CTIF: variants seen among roughly 807,000 people sequenced by gnomAD.
CTIF encodes the protein CBP80/20-dependent translation initiation factor.
CTIF carries 21 observed loss-of-function variants against 66.0 expected under a neutral mutation model. That is an observed-to-expected ratio of 0.32 (90% CI 0.23 to 0.46). The LOEUF (loss-of-function observed/expected upper bound fraction) is 0.46. Among genes scored for constraint, CTIF ranks in the 20% least tolerant of loss-of-function variants. The pLI is 1.00. For synonymous variants in CTIF, 345 were observed against 326.4 expected, an observed-to-expected ratio of 1.06 and a Z score of -0.62; for missense variants, 739 against 812.7, an observed-to-expected ratio of 0.91 and a Z score of 1.10.
chr18:48,690,220 G>A (rs533975921), intron 6 of CTIF, among the ~76,000 whole-genome samples: 17 of 151,988 alleles, frequency 1.1e-4, no homozygotes, highest in South Asian at 2.1e-4. Context: ...TTATTTGGGC[G>A]TTTACAGACT....
At chr18:48,840,164 A>T (rs1189896850) in intron 10 of CTIF, among the ~76,000 whole-genome samples, 1 of 152,216 alleles carries the variant, frequency 6.6e-6, no homozygotes, top group African/African-American at 2.4e-5. Context: ...AGATCAGAAA[A>T]GGCATGCTCA....
At chr18:48,832,263 C>T (rs1421676044) in intron 10 of CTIF, among the ~76,000 whole-genome samples, 3 of 151,410 alleles carry the variant, frequency 2.0e-5, no homozygotes, top group African/African-American at 7.3e-5. Flanking sequence ...CCTCAACCTC[C>T]CAGGCTCAAA....
chr18:48,821,915 G>A (rs1027162157), intron 10 of CTIF, among the ~76,000 whole-genome samples: 4 of 152,112 alleles, frequency 2.6e-5, no homozygotes, highest in African/African-American at 9.7e-5. Context: ...CCATAATGTT[G>A]TGCAGATCTC....
chr18:48,792,231 A>G (rs2067808091), intron 9 of CTIF, among the ~76,000 whole-genome samples: 1 of 152,106 alleles, frequency 6.6e-6, no homozygotes, highest in South Asian at 2.1e-4. Flanking sequence ...GTCAAAGAGA[A>G]AGAGCAGTGA....
At chr18:48,847,500 A>G (rs903035015) in intron 10 of CTIF, among the ~76,000 whole-genome samples, 9 of 152,122 alleles carry the variant, frequency 5.9e-5, no homozygotes, top group African/African-American at 1.9e-4. Context: ...TTCTCTACCA[A>G]TTAAGCAGAT....
chr18:48,725,207 G>A (rs1328523436), intron 7 of CTIF, among the ~76,000 whole-genome samples: 1 of 152,192 alleles, frequency 6.6e-6, no homozygotes, highest in Non-Finnish European at 1.5e-5. Flanking sequence ...GCTGTGAGCT[G>A]CAGCCACGGT....
intron 7 of CTIF, among the ~76,000 whole-genome samples, chr18:48,724,426 C>T (rs1242567884): frequency 2.6e-5 from 4 of 152,176 alleles, no homozygotes; most frequent in Non-Finnish European, 5.9e-5. Flanking sequence ...CCAGTCTTCT[C>T]GCTGTTCTTT....
intron 1 of CTIF, among the ~76,000 whole-genome samples, chr18:48,572,803 C>A (rs2089445073): frequency 1.3e-5 from 2 of 152,010 alleles, no homozygotes; most frequent in Non-Finnish European, 2.9e-5. Flanking sequence ...GCTTGGGCAA[C>A]ATGAAGAAAC....
intron 10 of CTIF, among the ~76,000 whole-genome samples, chr18:48,855,520 T>C (rs11082710): frequency 0.29 from 44,532 of 152,168 alleles, 6,764 homozygotes; most frequent in Admixed American, 0.36. Flanking sequence ...CCTGGATCCC[T>C]GTGACTAGGT....
At chr18:48,639,325 T>G (rs2090884080) in intron 3 of CTIF, among the ~76,000 whole-genome samples, 1 of 152,032 alleles carries the variant, frequency 6.6e-6, no homozygotes, top group Non-Finnish European at 1.5e-5. Flanking sequence ...GGTGCTGAGC[T>G]CCCGGTGGGC....
chr18:48,543,902 G>A (rs2088684775), intron 1 of CTIF, among the ~76,000 whole-genome samples: 1 of 152,076 alleles, frequency 6.6e-6, no homozygotes, highest in Admixed American at 6.5e-5. Context: ...CTTCACAACT[G>A]GCCCTTCCTG....
At chr18:48,821,981 C>T (rs2068493246) in intron 10 of CTIF, among the ~76,000 whole-genome samples, 1 of 152,178 alleles carries the variant, frequency 6.6e-6, no homozygotes, top group Non-Finnish European at 1.5e-5. Flanking sequence ...AGCGACTCCC[C>T]ATCTGCACTT....
chr18:48,563,353 G>T (rs536893470), intron 1 of CTIF, among the ~76,000 whole-genome samples: 6 of 152,334 alleles, frequency 3.9e-5, no homozygotes, highest in Admixed American at 1.3e-4. Context: ...CATCTCTCTG[G>T]GATCTTGGGA....
At chr18:48,859,266 C>G in intron 11 of CTIF, 78 bp from the exon 12 acceptor site, 1 of 1,247,900 alleles carries the variant, frequency 8.0e-7, no homozygotes, top group Non-Finnish European at 1.2e-6. Context: ...TATTTCCTAT[C>G]CCTGCCCACC....
In CTIF at chr18:48,665,558, A is replaced by G. The variant is rs2091423304; in HGVS notation, c.431+1007A>G. On this transcript the variant is annotated intron_variant, in intron 5 of 11. Transcript: ENST00000256413. Reference sequence around the variant, plus strand: ...TTTAGTATGCTAGACCTGTTGTGCAACTACCATGTCTATCTAGTTCTGAAA... The same window carrying G: ...TTTAGTATGCTAGACCTGTTGTGCAGCTACCATGTCTATCTAGTTCTGAAA... 3.3e-5 allele frequency among the ~76,000 whole-genome samples: 5 copies of G among 152,228 alleles called. No homozygotes were observed. In the South Asian group the frequency reaches 8.3e-4, roughly 25 times the overall value.
intron 3 of CTIF, among the ~76,000 whole-genome samples, chr18:48,646,447 TAA>T (rs34735937): frequency 0.028 from 4,119 of 148,946 alleles, 65 homozygotes; most frequent in Middle Eastern, 0.056. Flanking sequence ...TTGGCAGCAT[TAA>T]AAAAAAAAAA....
chr18:48,858,892 A>G (rs371826760), intron 11 of CTIF, among the ~76,000 whole-genome samples: 49 of 152,206 alleles, frequency 3.2e-4, no homozygotes, highest in Non-Finnish European at 6.2e-4. Context: ...TCAAGTTCCA[A>G]TGGACACATG....
intron 1 of CTIF, among the ~76,000 whole-genome samples, chr18:48,575,723 C>G (rs1289694636): frequency 6.6e-6 from 1 of 152,246 alleles, no homozygotes; most frequent in Non-Finnish European, 1.5e-5. Context: ...AGCCTCCCTG[C>G]CCCGGATGCC....
rs760142164 is a variant in CTIF, at chr18:48,817,259, C to T, written c.1410C>T (p.Asp470=). ...FTVREELQQQ[D]VERWLGFITF... The stretch of plus-strand genomic sequence containing the variant: ...TGCGCGAGGAGCTGCAGCAGCAGGA[C>T]GTGGAGCGCTGGCTGGGCTTCATCA... The change falls in exon 10 of 12, where the codon GAC becomes GAT. Residue 470 remains aspartate (D), a synonymous_variant. Coordinates refer to ENST00000256413, the MANE Select transcript of CTIF (RefSeq NM_014772.3). The T allele has an allele frequency of 7.4e-6, 12 of 1,613,864 alleles. No homozygotes were observed. Among genetic ancestry groups the T allele is most frequent in the African/African-American group, 6.7e-5 (5 of 74,940 alleles).
Sources: allele counts gnomAD v4.1 joint callset (sites outside exome capture counted in the v4.1 genomes callset), GRCh38; gene constraint gnomAD v4.1.1; transcripts MANE v1.5; gene names NCBI Gene and HGNC (gene_info 2026-07-23, HGNC 2026-07-21).